Variants in AGBL1 observed in about 807,000 individuals in gnomAD.
AGBL1 encodes AGBL carboxypeptidase 1.
A neutral mutation model predicts 118.9 loss-of-function variants in AGBL1; 130 were observed. The ratio of observed to expected loss-of-function variants is 1.09; its 90% confidence interval spans 0.95 to 1.26. The LOEUF (loss-of-function observed/expected upper bound fraction) is 1.26. Ranked by LOEUF, AGBL1 falls within the 50% of genes most tolerant of loss-of-function variation. AGBL1 has a pLI of 0.00. For missense variants in AGBL1, 1,584 were observed against 1,298.1 expected (o/e 1.22, Z -3.38); for synonymous variants, 555 against 478.9 (o/e 1.16, Z -2.08).
At chr15:86,126,815 C>A (rs1038697024) in intron 1 of AGBL1, among the ~76,000 whole-genome samples, 1 of 152,198 alleles carries the variant, frequency 6.6e-6, no homozygotes, top group African/African-American at 2.4e-5. Flanking sequence ...ATAATTGATA[C>A]ACCAAATCTT....
chr15:86,255,215 G>T (rs1021239123), intron 7 of AGBL1, among the ~76,000 whole-genome samples: 5 of 152,076 alleles, frequency 3.3e-5, no homozygotes, highest in Non-Finnish European at 5.9e-5. Context: ...TCACCTTCTT[G>T]CTTCCTCCTT....
At chr15:86,962,008 A>G (rs555282637) in intron 23 of AGBL1, among the ~76,000 whole-genome samples, 3 of 152,244 alleles carry the variant, frequency 2.0e-5, no homozygotes, top group Admixed American at 6.6e-5. Context: ...TCTCCCCACA[A>G]AACACTAAAC....
intron 17 of AGBL1, among the ~76,000 whole-genome samples, chr15:86,379,452 G>A (rs918104654): frequency 2.6e-5 from 4 of 151,904 alleles, no homozygotes; most frequent in Non-Finnish European, 5.9e-5. Flanking sequence ...TACCAATAAT[G>A]TATTCACTCA....
At chr15:86,808,950 T>C (rs770797279) in intron 22 of AGBL1, among the ~76,000 whole-genome samples, 59 of 152,128 alleles carry the variant, frequency 3.9e-4, no homozygotes, top group Non-Finnish European at 8.8e-5. Context: ...GCACTCCTGA[T>C]AGATAATGTG....
intron 22 of AGBL1, among the ~76,000 whole-genome samples, chr15:86,681,754 G>A (rs955736438): frequency 3.9e-5 from 6 of 152,134 alleles, no homozygotes. Context: ...CGTGATTTAG[G>A]TGGTGCTTTC....
At chr15:86,691,609 A>G (rs1230534978) in intron 22 of AGBL1, among the ~76,000 whole-genome samples, 2 of 152,148 alleles carry the variant, frequency 1.3e-5, no homozygotes, top group Admixed American at 1.3e-4. Context: ...GGTGGGTTTC[A>G]GACATTATAA....
chr15:86,728,291 T>C (rs896526139), intron 22 of AGBL1, among the ~76,000 whole-genome samples: 1 of 152,214 alleles, frequency 6.6e-6, no homozygotes, highest in East Asian at 1.9e-4. Flanking sequence ...TTCCATCATG[T>C]GACACTATTT....
At chr15:86,246,826 C>T (rs1290331165) in intron 6 of AGBL1, among the ~76,000 whole-genome samples, 1 of 152,168 alleles carries the variant, frequency 6.6e-6, no homozygotes, top group Non-Finnish European at 1.5e-5. Flanking sequence ...GGCAGCCTTA[C>T]AGGTACTATA....
chr15:86,294,349 A>G (rs1597693748), intron 16 of AGBL1, among the ~76,000 whole-genome samples: 1 of 135,776 alleles, frequency 7.4e-6, no homozygotes, highest in Admixed American at 8.3e-5. Flanking sequence ...CAATGATCTG[A>G]GATTGCGCCA....
At chr15:86,962,362 C>T (rs1426248795) in intron 23 of AGBL1, among the ~76,000 whole-genome samples, 1 of 152,028 alleles carries the variant, frequency 6.6e-6, no homozygotes, top group Non-Finnish European at 1.5e-5. Context: ...CCAGGAAGGA[C>T]ACATTTTTTA....
At chr15:86,522,722 A>G (rs2083205185) in intron 18 of AGBL1, 88 bp from the exon 19 acceptor site, 1 of 1,459,624 alleles carries the variant, frequency 6.9e-7, no homozygotes, top group Non-Finnish European at 9.2e-7. Context: ...TGAAGTCATT[A>G]GTTTAATTGT....
intron 21 of AGBL1, among the ~76,000 whole-genome samples, chr15:86,610,782 AT>A (rs895086881): frequency 6.6e-6 from 1 of 151,106 alleles, no homozygotes; most frequent in Non-Finnish European, 1.5e-5. Context: ...CTAATCACGT[AT>A]TTTTTTTTCC....
chr15:86,857,125 T>A (rs2141471696), intron 22 of AGBL1, among the ~76,000 whole-genome samples: 1 of 152,280 alleles, frequency 6.6e-6, no homozygotes, highest in South Asian at 2.1e-4. Flanking sequence ...ATGTGCTTAA[T>A]CCTTCTCCGG....
chr15:86,959,858 A>T (rs2080973732), intron 23 of AGBL1, among the ~76,000 whole-genome samples: 1 of 152,058 alleles, frequency 6.6e-6, no homozygotes, highest in Non-Finnish European at 1.5e-5. Context: ...GGTCAGATTT[A>T]GCTTAACAAG....
At chr15:86,112,301 G>A (rs1412050112) in intron 1 of AGBL1, among the ~76,000 whole-genome samples, 1 of 152,014 alleles carries the variant, frequency 6.6e-6, no homozygotes, top group Non-Finnish European at 1.5e-5. Context: ...ACGATGTATG[G>A]GCGTTTGTCA....
rs572684655 is a variant in AGBL1 at position 86,379,245 on chromosome 15, C to T, written c.2375-18121C>T. On this transcript the variant is annotated intron_variant, in intron 17 of 22. Transcript: ENST00000614907. Reference sequence around the variant, plus strand: ...TTAGTTTAGATTTCAGTCCCTCTGACTACCTGAAAAAACCCTTGTTCTTAA... The same window carrying T: ...TTAGTTTAGATTTCAGTCCCTCTGATTACCTGAAAAAACCCTTGTTCTTAA... Among the ~76,000 whole-genome samples the T allele has an allele frequency of 6.6e-5, 9 of 137,190 alleles. No homozygotes were observed. The East Asian group carries it at 2.9e-3, about 44-fold the overall frequency. 90.0% of individuals were successfully genotyped at this position (137,190 alleles called of 152,430 possible).
chr15:86,560,787 C>A (rs2083807087), intron 21 of AGBL1, among the ~76,000 whole-genome samples: 1 of 152,210 alleles, frequency 6.6e-6, no homozygotes, highest in African/African-American at 2.4e-5. Context: ...TTCTCCACAT[C>A]CTCTCCAGCA....
chr15:86,204,923 T>G (rs533254500), intron 5 of AGBL1, among the ~76,000 whole-genome samples: 82 of 152,262 alleles, frequency 5.4e-4, no homozygotes, highest in African/African-American at 1.9e-3. Context: ...CACTTCATTG[T>G]CACCCAAAGT....
At chr15:86,950,200 A>T (rs1192198041) in intron 23 of AGBL1, among the ~76,000 whole-genome samples, 3 of 151,858 alleles carry the variant, frequency 2.0e-5, no homozygotes, top group Admixed American at 2.0e-4. Context: ...TAAATTCTCA[A>T]AAAACAGTAA....
Sources: allele counts gnomAD v4.1 joint callset (sites outside exome capture counted in the v4.1 genomes callset), GRCh38; gene constraint gnomAD v4.1.1; transcripts MANE v1.5; gene names NCBI Gene and HGNC (gene_info 2026-07-23, HGNC 2026-07-21).